The following SORCS3 variants were observed in gnomAD, a reference collection of about 807,000 sequenced individuals.
SORCS3 encodes VPS10 domain-containing receptor SorCS3.
SORCS3 carries 57 observed loss-of-function variants against 146.3 expected under a neutral mutation model. The ratio of observed to expected loss-of-function variants is 0.39; its 90% CI spans 0.31 to 0.49. SORCS3 has a LOEUF of 0.49. Among genes scored for constraint, SORCS3 ranks in the 20% least tolerant of loss-of-function variants. The pLI, the probability that SORCS3 is intolerant of heterozygous loss-of-function variation, is 0.92. For synonymous variants in SORCS3, 653 were observed against 618.5 expected, an observed-to-expected ratio of 1.06 and a Z score of -0.83; for missense variants, 1,341 against 1,575.5, an observed-to-expected ratio of 0.85 and a Z score of 2.52.
At chr10:105,235,944 G>A (rs1448681203) in intron 20 of SORCS3, among the ~76,000 whole-genome samples, 5 of 151,876 alleles carry the variant, frequency 3.3e-5, no homozygotes, top group East Asian at 1.9e-4. Flanking sequence ...TATTTACTTG[G>A]CACACACTAT....
Position 104,725,209 on chromosome 10 carries a change from A to C in SORCS3, c.627+83255A>C, listed in dbSNP as rs374762897. ...TCCTTCTAACAGTCAGGACCCTCAGATGCAGGTCTGTTGGAGTTTGCTGGA... is the reference window on the plus strand; with the variant it reads ...TCCTTCTAACAGTCAGGACCCTCAGCTGCAGGTCTGTTGGAGTTTGCTGGA... On this transcript the variant is annotated intron_variant, in intron 1 of 26. Coordinates refer to ENST00000369701, the MANE Select transcript of SORCS3 (RefSeq NM_014978.3). 1.1e-4 allele frequency among the ~76,000 whole-genome samples: 16 copies of C among 152,314 alleles called. No homozygotes were observed. In the East Asian group the frequency reaches 3.1e-3, roughly 29 times the overall value.
rs567051568 is a variant in SORCS3, at chr10:105,229,718, G to C, written c.2868+6469G>C. Among the ~76,000 whole-genome samples, 300 of 152,302 alleles carry C rather than the reference G, an allele frequency of 2.0e-3. 1 individual carries two copies. The highest frequency in any genetic ancestry group is 3.2e-3 in the Non-Finnish European group (216 of 68,024). ...TGCTGGGGACTGGGATGTCAGGTGG[G>C]CCAGGGTCTGGGGTCCTAGGGTAGC... On this transcript the variant is annotated intron_variant, in intron 20 of 26. Coordinates refer to ENST00000369701, the MANE Select transcript of SORCS3 (RefSeq NM_014978.3).
intron 14 of SORCS3, among the ~76,000 whole-genome samples, chr10:105,184,373 A>G (rs1401500054): frequency 6.6e-6 from 1 of 152,246 alleles, no homozygotes; most frequent in Non-Finnish European, 1.5e-5. Context: ...TTCCCCCCCA[A>G]CCATTTAAAA....
chr10:104,926,705 A>G (rs1381921048), intron 3 of SORCS3, among the ~76,000 whole-genome samples: 1 of 152,262 alleles, frequency 6.6e-6, no homozygotes, highest in African/African-American at 2.4e-5. Flanking sequence ...ACTTAAAGGA[A>G]AAAGAATCTA....
At chr10:105,089,733 C>G (rs371726123) in intron 5 of SORCS3, 42 bp from the exon 6 acceptor site, 1 of 1,544,046 alleles carries the variant, frequency 6.5e-7, no homozygotes, top group African/African-American at 1.4e-5. Context: ...TGTCTGCTAT[C>G]GGTGTTGTCA....
Position 105,263,666 on chromosome 10 carries a change from GTCTCCCTTTTTTCAAA to G in SORCS3, c.*293_*308del. ...CTTAAAGACTTTCTTTTTCCTTGTGGTCTCCCTTTTTTCAAAATTGAAGTTGGGTTGGCTCTTTGTG... is the reference window on the plus strand; with the variant it reads ...CTTAAAGACTTTCTTTTTCCTTGTGGATTGAAGTTGGGTTGGCTCTTTGTG... On this transcript the variant is annotated 3_prime_UTR_variant, in exon 27 of 27. Transcript: ENST00000369701. 1 of 328,816 alleles carries G rather than the reference GTCTCCCTTTTTTCAAA, an allele frequency of 3.0e-6. No individual in the cohort carries two copies. Among genetic ancestry groups the G allele is most frequent in the Non-Finnish European group, 5.7e-6 (1 of 176,448 alleles). 20.4% of individuals were successfully genotyped at this position (328,816 alleles called of 1,614,324 possible). A position where few individuals can be genotyped will look rare whatever the true frequency, so the allele number is the denominator to read the frequency against.
At chr10:104,940,255 T>A (rs1404232820) in intron 3 of SORCS3, among the ~76,000 whole-genome samples, 12 of 121,956 alleles carry the variant, frequency 9.8e-5, no homozygotes, top group South Asian at 2.7e-4. Flanking sequence ...TTTTTTTTTT[T>A]ATTATACTTT....
At chr10:104,888,561 CTA>C (rs2018716950) in intron 2 of SORCS3, among the ~76,000 whole-genome samples, 1 of 147,078 alleles carries the variant, frequency 6.8e-6, no homozygotes, top group South Asian at 2.1e-4. Flanking sequence ...CCTTTTTTTT[CTA>C]TGTTGACTCA....
intron 1 of SORCS3, among the ~76,000 whole-genome samples, chr10:104,744,766 T>C (rs1228483426): frequency 6.6e-6 from 1 of 152,200 alleles, no homozygotes; most frequent in African/African-American, 2.4e-5. Context: ...CTGAATCTTC[T>C]CCCTTCAGTT....
At chr10:104,866,058 A>G (rs1322217840) in intron 2 of SORCS3, among the ~76,000 whole-genome samples, 2 of 152,220 alleles carry the variant, frequency 1.3e-5, no homozygotes, top group African/African-American at 4.8e-5. Flanking sequence ...AACAGAGCTG[A>G]AAAGTGAACC....
intron 1 of SORCS3, among the ~76,000 whole-genome samples, chr10:104,796,219 G>A (rs1240748149): frequency 2.0e-5 from 3 of 152,210 alleles, no homozygotes; most frequent in Non-Finnish European, 2.9e-5. Flanking sequence ...GTGAAAGCCT[G>A]TCCATGCTTT....
chr10:105,009,749 T>C (rs1334436033), intron 4 of SORCS3, among the ~76,000 whole-genome samples: 1 of 151,872 alleles, frequency 6.6e-6, no homozygotes, highest in Non-Finnish European at 1.5e-5. Flanking sequence ...ACTTTTTTTT[T>C]CATTTTTTTC....
intron 1 of SORCS3, among the ~76,000 whole-genome samples, chr10:104,841,470 G>A (rs952431942): frequency 1.3e-5 from 2 of 152,076 alleles, no homozygotes; most frequent in Non-Finnish European, 2.9e-5. Flanking sequence ...CCTCATCGCA[G>A]AGAAATTGAA....
At chr10:105,107,232 T>G (rs909555617) in intron 7 of SORCS3, among the ~76,000 whole-genome samples, 5 of 152,158 alleles carry the variant, frequency 3.3e-5, no homozygotes, top group Non-Finnish European at 7.3e-5. Context: ...ATATCTCTCT[T>G]TGTGATTTCT....
intron 17 of SORCS3, among the ~76,000 whole-genome samples, chr10:105,212,602 C>T (rs1412463717): frequency 6.6e-6 from 1 of 151,620 alleles, no homozygotes; most frequent in East Asian, 1.9e-4. Context: ...AAATAGCTAA[C>T]AAAATAATTC....
intron 20 of SORCS3, among the ~76,000 whole-genome samples, chr10:105,224,796 A>G (rs570973693): frequency 1.3e-5 from 2 of 152,296 alleles, no homozygotes; most frequent in Non-Finnish European, 2.9e-5. Context: ...CCATGTAATG[A>G]TATCACATTT....
At chr10:104,724,194 T>G (rs1308648952) in intron 1 of SORCS3, among the ~76,000 whole-genome samples, 1 of 152,202 alleles carries the variant, frequency 6.6e-6, no homozygotes, top group Non-Finnish European at 1.5e-5. Context: ...CTCTCAGCAT[T>G]TGCTTGTCTG....
chr10:105,169,022 A>AT (rs1371223010), intron 13 of SORCS3, among the ~76,000 whole-genome samples: 1 of 152,154 alleles, frequency 6.6e-6, no homozygotes, highest in African/African-American at 2.4e-5. Flanking sequence ...GATAGTCAGT[A>AT]TTTATTAAGG....
intron 4 of SORCS3, among the ~76,000 whole-genome samples, chr10:104,996,631 C>T (rs1318835595): frequency 6.6e-6 from 1 of 152,042 alleles, no homozygotes; most frequent in African/African-American, 2.4e-5. Context: ...CTCAAGTGCC[C>T]ATGGAACATT....
Sources: gnomAD v4.1 joint callset for allele counts (sites outside exome capture counted in the v4.1 genomes callset) on GRCh38, gnomAD v4.1.1 for gene constraint, MANE v1.5 for transcripts, NCBI Gene and HGNC (gene_info 2026-07-23, HGNC 2026-07-21) for gene names.